Variants in WWOX observed in about 807,000 individuals in gnomAD.
The protein encoded by WWOX is WW domain-containing oxidoreductase.
A neutral mutation model predicts 46.2 loss-of-function variants in WWOX; 69 were observed. The ratio of observed to expected loss-of-function variants is 1.49; its 90% CI spans 1.23 to 1.82. The LOEUF (loss-of-function observed/expected upper bound fraction) is 1.82, where lower values mean the gene tolerates loss of function less well. Among genes scored for constraint, WWOX ranks in the 40% most tolerant of loss-of-function variants. WWOX has a pLI of 0.00. For synonymous variants in WWOX, 359 were observed against 202.6 expected, an observed-to-expected ratio of 1.77 and a Z score of -6.56; for missense variants, 919 against 542.6, an observed-to-expected ratio of 1.69 and a Z score of -6.89.
intron 5 of WWOX, among the ~76,000 whole-genome samples, chr16:78,303,678 G>A (rs1387382752): frequency 2.0e-5 from 3 of 152,178 alleles, no homozygotes; most frequent in Non-Finnish European, 4.4e-5. Context: ...CTGAGTAGCT[G>A]GGATTACAGG....
intron 8 of WWOX, among the ~76,000 whole-genome samples, chr16:78,720,255 C>T (rs778741290): frequency 1.3e-4 from 20 of 151,352 alleles, no homozygotes; most frequent in African/African-American, 3.7e-4. Flanking sequence ...AGATTATGTG[C>T]GCGTGTGTGA....
intron 8 of WWOX, among the ~76,000 whole-genome samples, chr16:78,757,399 A>G (rs564246825): frequency 2.0e-5 from 3 of 152,276 alleles, no homozygotes; most frequent in South Asian, 2.1e-4. Context: ...GCAAAGGTAC[A>G]TAGGACACTG....
chr16:78,637,235 A>G (rs1483757145), intron 8 of WWOX, among the ~76,000 whole-genome samples: 2 of 152,114 alleles, frequency 1.3e-5, no homozygotes, highest in Non-Finnish European at 2.9e-5. Flanking sequence ...CAGCCTGGGC[A>G]ACATGGTGAA....
intron 8 of WWOX, among the ~76,000 whole-genome samples, chr16:78,617,506 C>T (rs142325511): frequency 3.3e-5 from 5 of 152,178 alleles, no homozygotes; most frequent in Non-Finnish European, 5.9e-5. Context: ...GTGACTTTGC[C>T]GAGCACAAGT....
chr16:78,562,924 T>C (rs1319058850), intron 8 of WWOX, among the ~76,000 whole-genome samples: 1 of 152,028 alleles, frequency 6.6e-6, no homozygotes. Flanking sequence ...TAAAGAGAAC[T>C]TGAGCAAACT....
chr16:78,275,849 C>T (rs2079566543), intron 5 of WWOX, among the ~76,000 whole-genome samples: 2 of 152,286 alleles, frequency 1.3e-5, no homozygotes, highest in South Asian at 2.1e-4. Flanking sequence ...CATGTCTGGT[C>T]CCAAAGTGGG....
intron 4 of WWOX, among the ~76,000 whole-genome samples, chr16:78,155,365 T>C (rs2034563070): frequency 6.6e-6 from 1 of 152,216 alleles, no homozygotes; most frequent in Non-Finnish European, 1.5e-5. Context: ...GTTTGTGACC[T>C]CTGTTCTAAA....
intron 6 of WWOX, among the ~76,000 whole-genome samples, chr16:78,387,999 T>C (rs1345775038): frequency 6.6e-6 from 1 of 152,040 alleles, no homozygotes; most frequent in East Asian, 1.9e-4. Flanking sequence ...TTAAACCAGA[T>C]ATTCAAATGG....
At chr16:78,616,487 A>T (rs3866637) in intron 8 of WWOX, among the ~76,000 whole-genome samples, 1 of 150,302 alleles carries the variant, frequency 6.7e-6, no homozygotes, top group Non-Finnish European at 1.5e-5. Flanking sequence ...AATGGCCAGG[A>T]GTGGTGGCTC....
chr16:78,201,674 A>ATTATTTATTTAT (rs149809338), intron 5 of WWOX, among the ~76,000 whole-genome samples: 4 of 146,368 alleles, frequency 2.7e-5, no homozygotes, highest in African/African-American at 7.7e-5. Context: ...CATTCCTTGG[A>ATTATTTATTTAT]TTATTTATTT....
At chr16:79,162,483 C>T (rs1305998643) in intron 8 of WWOX, among the ~76,000 whole-genome samples, 1 of 152,110 alleles carries the variant, frequency 6.6e-6, no homozygotes, top group Non-Finnish European at 1.5e-5. Flanking sequence ...CACTGGTGTT[C>T]CTCTAGTAGG....
At chr16:79,089,117 T>C (rs986958275) in intron 8 of WWOX, among the ~76,000 whole-genome samples, 1 of 152,158 alleles carries the variant, frequency 6.6e-6, no homozygotes, top group Non-Finnish European at 1.5e-5. Context: ...AATGTGACTT[T>C]TCATCAGGAA....
intron 8 of WWOX, among the ~76,000 whole-genome samples, chr16:78,459,742 A>T (rs2083906688): frequency 6.6e-6 from 1 of 152,230 alleles, no homozygotes; most frequent in Non-Finnish European, 1.5e-5. Context: ...GTTTGCATTT[A>T]CATTCAGCCT....
At chr16:78,912,879 A>G (rs1597141363) in intron 8 of WWOX, among the ~76,000 whole-genome samples, 1 of 151,998 alleles carries the variant, frequency 6.6e-6, no homozygotes, top group Non-Finnish European at 1.5e-5. Context: ...TCTTTAAAAC[A>G]CCATCAGCTT....
intron 5 of WWOX, among the ~76,000 whole-genome samples, chr16:78,322,735 GAC>G (rs1175724489): frequency 1.3e-5 from 2 of 152,218 alleles, no homozygotes; most frequent in African/African-American, 4.8e-5. Context: ...GTAAGGGAGA[GAC>G]AGTATTTTAT....
chr16:78,625,376 C>T (rs1055649986), intron 8 of WWOX, among the ~76,000 whole-genome samples: 1 of 152,152 alleles, frequency 6.6e-6, no homozygotes, highest in Non-Finnish European at 1.5e-5. Flanking sequence ...CCCTGAAATT[C>T]ACCCCCACAC....
In WWOX at chr16:79,039,646, A is replaced by G. The variant is rs2047934473; in HGVS notation, c.1057-171962A>G. Among the ~76,000 whole-genome samples the G allele has an allele frequency of 2.0e-5, 3 of 152,220 alleles. No homozygotes were observed. In the South Asian group the frequency reaches 6.2e-4, roughly 32 times the overall value. ...GGCTTCTTGACCCGGCACCTCGGAA[A>G]GTAACTCCTGTCCATTGTTCCTTGT... On this transcript the variant is annotated intron_variant, in intron 8 of 8. Transcript: ENST00000566780.
intron 8 of WWOX, among the ~76,000 whole-genome samples, chr16:78,484,786 C>T (rs186327891): frequency 1.4e-4 from 22 of 152,024 alleles, no homozygotes; most frequent in African/African-American, 4.6e-4. Context: ...ATTGAGTTTG[C>T]GGAAGCTGTC....
At chr16:79,112,911 G>T (rs1409606823) in intron 8 of WWOX, among the ~76,000 whole-genome samples, 1 of 152,182 alleles carries the variant, frequency 6.6e-6, no homozygotes, top group African/African-American at 2.4e-5. Flanking sequence ...GTGCAGCGCA[G>T]CTCAGCACAG....
Sources: allele counts gnomAD v4.1 joint callset (sites outside exome capture counted in the v4.1 genomes callset), GRCh38; gene constraint gnomAD v4.1.1; transcripts MANE v1.5; gene names NCBI Gene and HGNC (gene_info 2026-07-23, HGNC 2026-07-21).